Variants in AGBL1 observed in about 807,000 individuals in gnomAD.
AGBL1 encodes the protein AGBL carboxypeptidase 1.
In AGBL1, 130 loss-of-function variants were observed where a neutral mutation model predicts 118.9. The ratio of observed to expected loss-of-function variants is 1.09; its 90% CI spans 0.95 to 1.26. AGBL1 has a LOEUF of 1.26. Ranked by LOEUF, AGBL1 falls within the 50% of genes most tolerant of loss-of-function variation. The pLI, the probability that AGBL1 is intolerant of heterozygous loss-of-function variation, is 0.00. For missense variants in AGBL1, 1,584 were observed against 1,298.1 expected (o/e 1.22, Z -3.38); for synonymous variants, 555 against 478.9 (o/e 1.16, Z -2.08).
chr15:86,695,608 T>C (rs1055137790), intron 22 of AGBL1, among the ~76,000 whole-genome samples: 20 of 152,186 alleles, frequency 1.3e-4, no homozygotes, highest in Non-Finnish European at 2.9e-4. Context: ...TCTGCTCTGG[T>C]CTTGGTTATT....
Position 86,584,268 on chromosome 15 carries a change from G to A in AGBL1, c.2994+29731G>A, listed in dbSNP as rs528255287. ...TCATAAATTCTTTCCCAAGGTCAAT[G>A]TCCAGAATGATGTTTCCTAGATTAT... On this transcript the variant is annotated intron_variant, in intron 21 of 22. Coordinates refer to ENST00000614907, the MANE Select transcript of AGBL1 (RefSeq NM_001386094.1). 8.7e-4 allele frequency among the ~76,000 whole-genome samples: 132 copies of A among 152,238 alleles called. 1 individual carries two copies. Among genetic ancestry groups the A allele is most frequent in the African/African-American group, 3.0e-3 (125 of 41,560 alleles).
At chr15:86,888,351 T>G (rs2080001887) in intron 22 of AGBL1, among the ~76,000 whole-genome samples, 1 of 146,014 alleles carries the variant, frequency 6.8e-6, no homozygotes, top group Admixed American at 7.0e-5. Flanking sequence ...AGACTGGAGC[T>G]CTCTTCAAAA....
chr15:86,243,495 C>T (rs771280363), intron 6 of AGBL1, among the ~76,000 whole-genome samples: 1 of 152,046 alleles, frequency 6.6e-6, no homozygotes, highest in Non-Finnish European at 1.5e-5. Flanking sequence ...GAGGTGAGGA[C>T]AGAGATAAAT....
intron 22 of AGBL1, among the ~76,000 whole-genome samples, chr15:86,720,345 C>T (rs1428498496): frequency 6.6e-6 from 1 of 152,174 alleles, no homozygotes; most frequent in Non-Finnish European, 1.5e-5. Flanking sequence ...TTCTTCTCTT[C>T]AGTTATGTTT....
At chr15:86,735,602 CTGTG>C (rs35147328) in intron 22 of AGBL1, among the ~76,000 whole-genome samples, 2,729 of 141,510 alleles carry the variant, frequency 0.019, 99 homozygotes, top group African/African-American at 0.055. Flanking sequence ...GAGATACAGA[CTGTG>C]TGTGTGTGTG....
intron 5 of AGBL1, among the ~76,000 whole-genome samples, chr15:86,188,534 AG>A (rs2077668855): frequency 6.6e-6 from 1 of 152,226 alleles, no homozygotes. Flanking sequence ...TTTCTGCTAA[AG>A]GAAATAAAAA....
At chr15:86,134,636 T>A (rs1376345899) in intron 1 of AGBL1, among the ~76,000 whole-genome samples, 2 of 133,988 alleles carry the variant, frequency 1.5e-5, no homozygotes, top group East Asian at 2.4e-4. Flanking sequence ...TTTTTTGAGA[T>A]GGCATCTCAC....
At chr15:86,963,822 G>T (rs141728309) in intron 23 of AGBL1, among the ~76,000 whole-genome samples, 20 of 152,012 alleles carry the variant, frequency 1.3e-4, no homozygotes, top group African/African-American at 4.1e-4. Flanking sequence ...CCTAGTGGAC[G>T]AGTGTCTGAT....
intron 22 of AGBL1, among the ~76,000 whole-genome samples, chr15:86,783,117 T>A (rs1052361406): frequency 5.9e-5 from 9 of 152,220 alleles, no homozygotes; most frequent in Non-Finnish European, 1.2e-4. Flanking sequence ...GCTTTCCAGT[T>A]GTTATAAGAA....
chr15:86,226,207 A>G (rs1399129366), intron 6 of AGBL1, among the ~76,000 whole-genome samples: 1 of 152,094 alleles, frequency 6.6e-6, no homozygotes, highest in Non-Finnish European at 1.5e-5. Context: ...CATTCTTCAG[A>G]CTGAACTTGC....
At chr15:86,196,583 C>G (rs1389071185) in intron 5 of AGBL1, among the ~76,000 whole-genome samples, 1 of 152,044 alleles carries the variant, frequency 6.6e-6, no homozygotes, top group Non-Finnish European at 1.5e-5. Context: ...GTAATACCTG[C>G]ACAAAATTGG....
chr15:86,930,292 T>C (rs542360646), intron 23 of AGBL1, among the ~76,000 whole-genome samples: 1 of 152,250 alleles, frequency 6.6e-6, no homozygotes, highest in East Asian at 1.9e-4. Flanking sequence ...TGTCCTACTT[T>C]CCACTTAGGG....
rs1168830126 is a variant in AGBL1 at position 86,546,018 on chromosome 15, A to G, written c.2702A>G (p.His901Arg). The change falls in exon 20 of 23, where the codon CAT becomes CGT. Residue 901 changes from histidine to arginine, a missense_variant. Physicochemically the swap from His to Arg is conservative, Grantham distance 29. Transcript: ENST00000614907. Reference protein sequence around the residue: ...GRSPVVFCDFHGHSQKKNVFL... With the variant: ...GRSPVVFCDFRGHSQKKNVFL... ...CTATTGTAGGTTTTCTGTGACTTCC[A>G]TGGCCACTCCCAAAAGAAGAATGTG... The G allele has an allele frequency of 1.2e-6, 2 of 1,613,090 alleles. No homozygotes were observed. The highest frequency in any genetic ancestry group is 1.7e-6 in the Non-Finnish European group (2 of 1,179,336).
intron 18 of AGBL1, among the ~76,000 whole-genome samples, chr15:86,398,334 A>C (rs180742971): frequency 6.6e-6 from 1 of 152,162 alleles, no homozygotes; most frequent in Non-Finnish European, 1.5e-5. Context: ...TAACATCCAC[A>C]AAGAGGTCTT....
intron 22 of AGBL1, among the ~76,000 whole-genome samples, chr15:86,758,444 T>C (rs2077973971): frequency 6.6e-6 from 1 of 152,116 alleles, no homozygotes; most frequent in East Asian, 1.9e-4. Context: ...AAATTGTTAT[T>C]TATATTGTAA....
At chr15:86,470,966 C>G (rs568155539) in intron 18 of AGBL1, among the ~76,000 whole-genome samples, 1 of 152,224 alleles carries the variant, frequency 6.6e-6, no homozygotes, top group South Asian at 2.1e-4. Context: ...ATGTCACCTG[C>G]AAGCAGAGAT....
At chr15:86,259,216 G>C (rs543717838) in intron 9 of AGBL1, among the ~76,000 whole-genome samples, 4 of 152,154 alleles carry the variant, frequency 2.6e-5, no homozygotes, top group Non-Finnish European at 4.4e-5. Flanking sequence ...ACCCTCCAGG[G>C]ATGAACCAAA....
chr15:86,215,456 G>A (rs1041038494), intron 5 of AGBL1, among the ~76,000 whole-genome samples: 1 of 152,050 alleles, frequency 6.6e-6, no homozygotes, highest in African/African-American at 2.4e-5. Flanking sequence ...GCCAACTCTA[G>A]TGAGGCTCTA....
intron 23 of AGBL1, among the ~76,000 whole-genome samples, chr15:86,931,566 T>TTGCTGCTGCTGC (rs59067780): frequency 0.029 from 4,365 of 150,478 alleles, 150 homozygotes; most frequent in African/African-American, 0.073. Context: ...AGTGGTGCTT[T>TTGCTGCTGCTGC]TGCTGCTGCT....
Sources: allele counts gnomAD v4.1 joint callset (sites outside exome capture counted in the v4.1 genomes callset), GRCh38; gene constraint gnomAD v4.1.1; transcripts MANE v1.5; gene names NCBI Gene and HGNC (gene_info 2026-07-23, HGNC 2026-07-21).